The following CEP128 variants were observed in gnomAD, a reference collection of about 807,000 sequenced individuals.
CEP128 encodes centrosomal protein 128.
Under a neutral mutation model 156.7 loss-of-function variants are expected in CEP128, and 132 were observed. That is an observed-to-expected ratio of 0.84 (90% CI 0.73 to 0.97). The LOEUF (loss-of-function observed/expected upper bound fraction) is 0.97, where lower values mean the gene tolerates loss of function less well. CEP128 is among the 50% of genes least tolerant of loss of function. The probability of loss-of-function intolerance (pLI) is 0.00; values close to 1 mark genes in which losing one functional copy is unlikely to be tolerated. For missense variants in CEP128, 1,252 were observed against 1,281.9 expected, an observed-to-expected ratio of 0.98 and a Z score of 0.36; for synonymous variants, 469 against 448.9, an observed-to-expected ratio of 1.04 and a Z score of -0.57.
chr14:80,645,904 T>C (rs548471977), intron 19 of CEP128, among the ~76,000 whole-genome samples: 2 of 152,236 alleles, frequency 1.3e-5, no homozygotes, highest in East Asian at 1.9e-4. Context: ...GAATGAGCTA[T>C]AAAGCCATGA....
chr14:80,753,345 C>T (rs559530169), intron 18 of CEP128, among the ~76,000 whole-genome samples: 3 of 152,058 alleles, frequency 2.0e-5, no homozygotes, highest in Admixed American at 6.5e-5. Context: ...AGCTTTATAC[C>T]GTCAAAAAAG....
At chr14:80,648,438 A>G (rs1894755767) in intron 19 of CEP128, among the ~76,000 whole-genome samples, 1 of 152,124 alleles carries the variant, frequency 6.6e-6, no homozygotes, top group Admixed American at 6.6e-5. Flanking sequence ...GTAATAATGA[A>G]TGCATTTAAC....
intron 19 of CEP128, among the ~76,000 whole-genome samples, chr14:80,586,985 T>G (rs916500070): frequency 6.6e-6 from 1 of 152,270 alleles, no homozygotes; most frequent in South Asian, 2.1e-4. Flanking sequence ...AGTTAATATA[T>G]GTAAAACATT....
At chr14:80,612,589 A>G (rs1893037189) in intron 19 of CEP128, among the ~76,000 whole-genome samples, 1 of 152,204 alleles carries the variant, frequency 6.6e-6, no homozygotes. Context: ...GAATTACTTA[A>G]TAATACTACA....
intron 13 of CEP128, among the ~76,000 whole-genome samples, chr14:80,825,308 T>A (rs571632947): frequency 2.0e-5 from 3 of 152,292 alleles, no homozygotes; most frequent in South Asian, 4.1e-4. Context: ...GGGGTTTCAC[T>A]ATGTTGCCTA....
chr14:80,862,074 A>C (rs1887539409), intron 9 of CEP128, among the ~76,000 whole-genome samples: 1 of 152,220 alleles, frequency 6.6e-6, no homozygotes. Context: ...CTGCAATTTC[A>C]AATTAAAAAG....
rs546101475 is a variant in CEP128, at chr14:80,600,225, T to C, written c.2807-19802A>G. ...GAAAAGATAATTCCCAAAGGAATTA[T>C]TTGAAACGTAAAAATTCCCAAATTT... On this transcript the variant is annotated intron_variant, in intron 19 of 24. Transcript: ENST00000555265. Among the ~76,000 whole-genome samples, 75 of 152,310 alleles carry C rather than the reference T, an allele frequency of 4.9e-4. 1 individual carries two copies. Among genetic ancestry groups the C allele is most frequent in the South Asian group, 3.3e-3 (16 of 4,818 alleles).
rs150292122 is a variant in CEP128, at chr14:80,800,052, AC to A, written c.1210-6943del. ...GATCTTTGTACCTACTCCCTGTTTT[AC>A]ACCCCCTCCCCTTTTGAAACCCTTA... On this transcript the variant is annotated intron_variant, in intron 13 of 24. Coordinates refer to ENST00000555265, the MANE Select transcript of CEP128 (RefSeq NM_152446.5). 9.7e-3 allele frequency among the ~76,000 whole-genome samples: 1,472 copies of A among 151,984 alleles called. 15 individuals carry two copies. Among genetic ancestry groups the A allele is most frequent in the Non-Finnish European group, 0.01 (683 of 67,976 alleles).
intron 15 of CEP128, among the ~76,000 whole-genome samples, chr14:80,783,130 GC>G (rs1901215397): frequency 6.6e-6 from 1 of 151,958 alleles, no homozygotes; most frequent in South Asian, 2.1e-4. Flanking sequence ...TCTTGGTTAA[GC>G]TTAAAGTCCC....
chr14:80,604,724 C>T (rs1530766), intron 19 of CEP128, among the ~76,000 whole-genome samples: 94,187 of 151,900 alleles, frequency 0.62, 30,517 homozygotes, highest in African/African-American at 0.82. Flanking sequence ...TATTCTATTA[C>T]AGTTCATTGT....
chr14:80,832,078 A>G (rs1182544583), intron 12 of CEP128, among the ~76,000 whole-genome samples: 1 of 152,186 alleles, frequency 6.6e-6, no homozygotes, highest in East Asian at 1.9e-4. Context: ...TGATGGTTTT[A>G]TAAAGGAGAG....
Position 80,739,866 on chromosome 14 carries a change from T to C in CEP128, c.2806+3209A>G, listed in dbSNP as rs187577199. Among the ~76,000 whole-genome samples the C allele has an allele frequency of 3.3e-5, 5 of 152,292 alleles. No individual in the cohort carries two copies. In the East Asian group the frequency reaches 9.6e-4, roughly 29 times the overall value. ...GAAATATTAGAAAAGACAAATACTG[T>C]TACCTAATTCCAGAGTGTCATAAAC... On this transcript the variant is annotated intron_variant, in intron 19 of 24. Coordinates refer to ENST00000555265, the MANE Select transcript of CEP128 (RefSeq NM_152446.5).
chr14:80,862,214 G>A (rs1270273151), intron 9 of CEP128, among the ~76,000 whole-genome samples: 1 of 152,032 alleles, frequency 6.6e-6, no homozygotes, highest in Admixed American at 6.6e-5. Flanking sequence ...ATATACTTGT[G>A]GGCTACAACT....
At chr14:80,647,053 A>G (rs1444105683) in intron 19 of CEP128, among the ~76,000 whole-genome samples, 3,999 of 13,412 alleles carry the variant, frequency 0.3, 475 homozygotes, top group Admixed American at 0.35. Flanking sequence ...ATATATATAT[A>G]TATATATATA....
intron 8 of CEP128, among the ~76,000 whole-genome samples, chr14:80,895,427 T>C (rs569905089): frequency 6.6e-6 from 1 of 152,294 alleles, no homozygotes; most frequent in Non-Finnish European, 1.5e-5. Context: ...ATCTTTCAAA[T>C]AGTCATCATA....
chr14:80,742,910 T>C, intron 19 of CEP128, 165 bp downstream of exon 19: 2 of 623,832 alleles, frequency 3.2e-6, no homozygotes, highest in South Asian at 2.0e-5. Context: ...GAATTTTCTC[T>C]TCTCGTCCCA....
intron 19 of CEP128, among the ~76,000 whole-genome samples, chr14:80,612,370 TAA>T (rs1183300873): frequency 6.6e-6 from 1 of 152,216 alleles, no homozygotes; most frequent in Non-Finnish European, 1.5e-5. Context: ...AATTCTATTC[TAA>T]TATTAGGAAT....
chr14:80,642,089 C>CAAAAA (rs71103870), intron 19 of CEP128, among the ~76,000 whole-genome samples: 20 of 91,516 alleles, frequency 2.2e-4, no homozygotes, highest in African/African-American at 8.3e-4. Flanking sequence ...GACTCCGTTT[C>CAAAAA]AAAAAAAAAA....
chr14:80,627,735 ATTT>A (rs1312138514), intron 19 of CEP128, among the ~76,000 whole-genome samples: 7 of 108,840 alleles, frequency 6.4e-5, no homozygotes, highest in Admixed American at 5.3e-4. Context: ...ATTAATTATT[ATTT>A]TCTTTTTTTT....
Sources: gnomAD v4.1 joint callset for allele counts (sites outside exome capture counted in the v4.1 genomes callset) on GRCh38, gnomAD v4.1.1 for gene constraint, MANE v1.5 for transcripts, NCBI Gene and HGNC (gene_info 2026-07-23, HGNC 2026-07-21) for gene names.